The following RGS6 variants were observed in gnomAD, a reference collection of about 807,000 sequenced individuals.
RGS6 encodes the protein regulator of G protein signaling 6.
RGS6 carries 30 observed loss-of-function variants against 78.5 expected under a neutral mutation model. The observed-to-expected ratio is 0.38, with a 90% CI of 0.29 to 0.52. The LOEUF (loss-of-function observed/expected upper bound fraction) is 0.52, where lower values mean the gene tolerates loss of function less well. RGS6 is among the 20% of genes least tolerant of loss of function. The pLI is 0.85. For synonymous variants in RGS6, 206 were observed against 206.0 expected (o/e 1.00, Z 0.00); for missense variants, 495 against 609.7 (o/e 0.81, Z 1.98).
intron 2 of RGS6, among the ~76,000 whole-genome samples, chr14:72,127,092 C>T (rs778946862): frequency 6.6e-6 from 1 of 152,134 alleles, no homozygotes; most frequent in African/African-American, 2.4e-5. Context: ...CAAAATATCC[C>T]GTACCATTGC....
chr14:72,058,660 T>C (rs1160127648), intron 2 of RGS6, among the ~76,000 whole-genome samples: 2 of 152,180 alleles, frequency 1.3e-5, no homozygotes, highest in Non-Finnish European at 2.9e-5. Context: ...CTATAGCTAG[T>C]GAATGGCCCT....
chr14:72,616,142 G>C, the RGS6 span, among the ~76,000 whole-genome samples: 2 of 152,178 alleles, frequency 1.3e-5, no homozygotes, highest in Non-Finnish European at 2.9e-5. Context: ...GACCATGCTG[G>C]ATAGGCCATG....
intron 1 of RGS6, 107 bp from the exon 2 acceptor site, chr14:71,964,665 T>C (rs576160776): frequency 1.4e-6 from 1 of 697,022 alleles, no homozygotes; most frequent in African/African-American, 1.8e-5. Flanking sequence ...TGTAATATCA[T>C]GTTTTTGTTC....
intron 3 of RGS6, among the ~76,000 whole-genome samples, chr14:72,423,100 GGAGGTAGTTTAGAAAAGGATTTGTGAA>G (rs2094273468): frequency 6.6e-6 from 1 of 152,234 alleles, no homozygotes; most frequent in Admixed American, 6.5e-5. Flanking sequence ...GAGTCACGTG[GGAGGTAGTTTAGAAAAGGATTTGTGAA>G]GAGGGCCATC....
At chr14:72,076,962 A>ATG (rs2094598885) in intron 2 of RGS6, among the ~76,000 whole-genome samples, 1 of 148,594 alleles carries the variant, frequency 6.7e-6, no homozygotes, top group Non-Finnish European at 1.5e-5. Context: ...TTATATATAT[A>ATG]TATATATAAA....
chr14:72,234,650 A>G (rs1259273744), intron 2 of RGS6, among the ~76,000 whole-genome samples: 1 of 152,024 alleles, frequency 6.6e-6, no homozygotes, highest in Admixed American at 6.6e-5. Context: ...GTTACCTCAC[A>G]GTGACAGGGA....
chr14:72,043,307 C>T (rs1316351049), intron 2 of RGS6, among the ~76,000 whole-genome samples: 2 of 152,078 alleles, frequency 1.3e-5, no homozygotes, highest in African/African-American at 4.8e-5. Context: ...TGCAGTCACA[C>T]ACCATCCAGA....
chr14:72,503,572 AAGAG>A (rs10602454), intron 13 of RGS6, among the ~76,000 whole-genome samples: 15 of 150,676 alleles, frequency 1.0e-4, no homozygotes, highest in East Asian at 7.8e-4. Flanking sequence ...TTCATTCAAA[AAGAG>A]AGAGAGAGAG....
intron 3 of RGS6, among the ~76,000 whole-genome samples, chr14:72,435,865 C>A (rs1420647520): frequency 6.6e-6 from 1 of 151,628 alleles, no homozygotes; most frequent in Admixed American, 6.6e-5. Flanking sequence ...ATCTCTCCAT[C>A]TTGAGGTCCT....
At position 72,411,495 on chromosome 14, in the gene RGS6, A is replaced by G. The variant is rs577886204; in HGVS notation, c.185-43033A>G. On this transcript the variant is annotated intron_variant, in intron 3 of 17. Coordinates refer to ENST00000553525, the MANE Select transcript of RGS6 (RefSeq NM_001204424.2). The stretch of plus-strand genomic sequence containing the variant: ...AGATGATGGGGTTTTCTAGATATAC[A>G]ATCATGTCATCTGCAAACAGGGACA... Among the ~76,000 whole-genome samples, 6 of 152,322 alleles carry G rather than the reference A, an allele frequency of 3.9e-5. No individual in the cohort carries two copies. In the South Asian group the frequency reaches 1.2e-3, roughly 32 times the overall value.
At chr14:72,368,244 T>C (rs1432215214) in intron 3 of RGS6, among the ~76,000 whole-genome samples, 1 of 152,166 alleles carries the variant, frequency 6.6e-6, no homozygotes, top group Non-Finnish European at 1.5e-5. Context: ...AGCCTTTTTA[T>C]TGGGAACCCA....
At chr14:72,115,092 T>A (rs1317457308) in intron 2 of RGS6, among the ~76,000 whole-genome samples, 2 of 152,186 alleles carry the variant, frequency 1.3e-5, no homozygotes, top group Non-Finnish European at 1.5e-5. Context: ...TTCCATCCAC[T>A]TGGATCTCAG....
At chr14:72,608,034 T>A in the RGS6 span, among the ~76,000 whole-genome samples, 1 of 152,198 alleles carries the variant, frequency 6.6e-6, no homozygotes, top group Admixed American at 6.5e-5. Context: ...CTTACCAAAA[T>A]GCACAGTAGC....
At chr14:71,938,445 T>A (rs977572194) in intron 1 of RGS6, among the ~76,000 whole-genome samples, 16 of 152,206 alleles carry the variant, frequency 1.1e-4, no homozygotes, top group Non-Finnish European at 2.2e-4. Context: ...AGAAAAGGCC[T>A]GTAGTGCTGC....
chr14:71,909,492 A>G, the RGS6 span, among the ~76,000 whole-genome samples: 6 of 152,024 alleles, frequency 3.9e-5, no homozygotes, highest in Non-Finnish European at 8.8e-5. Flanking sequence ...AGAGAGAGAG[A>G]GAGAGAGAGA....
intron 3 of RGS6, among the ~76,000 whole-genome samples, chr14:72,353,205 G>C: frequency 1.3e-5 from 2 of 152,296 alleles, no homozygotes; most frequent in Middle Eastern, 6.8e-3. Flanking sequence ...ATTCACCCAA[G>C]AGCAATGAAA....
At chr14:72,367,272 G>C (rs1337435838) in intron 3 of RGS6, among the ~76,000 whole-genome samples, 1 of 152,166 alleles carries the variant, frequency 6.6e-6, no homozygotes, top group African/African-American at 2.4e-5. Flanking sequence ...ATCCCCATGG[G>C]TCTGGACTCG....
At chr14:72,398,442 TTTC>T (rs1287073689) in intron 3 of RGS6, among the ~76,000 whole-genome samples, 1 of 152,198 alleles carries the variant, frequency 6.6e-6, no homozygotes, top group Non-Finnish European at 1.5e-5. Context: ...TCTTCTCTCT[TTTC>T]TTCTTTATTA....
chr14:72,455,411 C>G (rs1038929906), intron 4 of RGS6, among the ~76,000 whole-genome samples: 9 of 152,164 alleles, frequency 5.9e-5, no homozygotes, highest in African/African-American at 1.7e-4. Flanking sequence ...TTTGAAGTGC[C>G]CATTCTGCAT....
Sources: gnomAD v4.1 joint callset for allele counts (sites outside exome capture counted in the v4.1 genomes callset) on GRCh38, gnomAD v4.1.1 for gene constraint, MANE v1.5 for transcripts, NCBI Gene and HGNC (gene_info 2026-07-23, HGNC 2026-07-21) for gene names.